The following WLS variants were observed in gnomAD, a reference collection of about 807,000 sequenced individuals.
The protein encoded by WLS is Wnt ligand secretion mediator.
A neutral mutation model predicts 62.8 loss-of-function variants in WLS; 23 were observed. That is an observed-to-expected ratio of 0.37 (90% CI 0.26 to 0.52). The LOEUF is 0.52. Among genes scored for constraint, WLS ranks in the 20% least tolerant of loss-of-function variants. WLS has a pLI of 0.92. For missense variants in WLS, 615 were observed against 697.3 expected, an observed-to-expected ratio of 0.88 and a Z score of 1.33; for synonymous variants, 246 against 244.1, an observed-to-expected ratio of 1.01 and a Z score of -0.07.
At chr1:68,122,483 C>A (rs903333069), downstream of WLS, among the ~76,000 whole-genome samples, 5 of 152,186 alleles carry the variant, frequency 3.3e-5, no homozygotes, top group Non-Finnish European at 7.3e-5. Context: ...ACTGGGATAA[C>A]CAACATAAAA....
chr1:68,162,078 G>A lies in WLS; in HGVS notation c.380-2831C>T, dbSNP rs1359756905. 7 of 1,575,208 alleles carry A rather than the reference G, an allele frequency of 4.4e-6. No homozygotes were observed. The African/African-American group carries it at 5.4e-5, about 12-fold the overall frequency. On this transcript the variant is annotated intron_variant, in intron 2 of 11. Transcript: ENST00000262348. ...CTGTGATGGCTCGGCGGATCTCAGT[G>A]GCAGCTGCCTCCCTCATCTCCAGTG... is the stretch of plus-strand genomic sequence containing the variant.
intron 1 of WLS, chr1:68,202,565 A>G (rs1228689491): frequency 1.3e-5 from 2 of 152,192 alleles, no homozygotes; most frequent in Admixed American, 1.3e-4. Context: ...ATATGAAGTG[A>G]ACACAAAAGA....
At chr1:68,228,842 C>CAAAAAAAAAAAAAAAAA (rs66626696) in intron 1 of WLS, among the ~76,000 whole-genome samples, 2 of 58,022 alleles carry the variant, frequency 3.4e-5, no homozygotes, top group Non-Finnish European at 2.8e-5. Context: ...ACACTGGTGC[C>CAAAAAAAAAAAAAAAAA]AAAAAAAAAA....
intron 2 of WLS, among the ~76,000 whole-genome samples, chr1:68,193,643 C>T (rs72670448): frequency 6.6e-6 from 1 of 152,116 alleles, no homozygotes; most frequent in Non-Finnish European, 1.5e-5. Flanking sequence ...GGTGGTGAAG[C>T]TTGGTGGTTA....
intron 9 of WLS, 46 bp from the exon 10 acceptor site, chr1:68,144,698 C>G (rs1224600056): frequency 1.4e-6 from 2 of 1,452,258 alleles, no homozygotes; most frequent in Non-Finnish European, 1.9e-6. Context: ...AGCTACCAAT[C>G]CTTTTCTCAC....
At chr1:68,165,129 A>G (rs1393761999) in intron 2 of WLS, among the ~76,000 whole-genome samples, 1 of 152,164 alleles carries the variant, frequency 6.6e-6, no homozygotes, top group African/African-American at 2.4e-5. Context: ...GTGCTTGGAG[A>G]AACACAAGAG....
rs540679419 is a variant in WLS at position 68,205,110 on chromosome 1, C to T, written c.107-10883G>A. On this transcript the variant is annotated intron_variant, in intron 1 of 11. Coordinates refer to ENST00000262348, the MANE Select transcript of WLS (RefSeq NM_024911.7). The stretch of plus-strand genomic sequence containing the variant: ...TGCCATAGTGGATTAATCCTTGTCC[C>T]GCCTGTATCAAAGTACACTTAGACT... 3.9e-5 allele frequency among the ~76,000 whole-genome samples: 6 copies of T among 152,216 alleles called. No homozygotes were observed. The South Asian group carries it at 1.0e-3, about 26-fold the overall frequency.
chr1:68,154,657 G>A (rs1442299944), intron 4 of WLS, among the ~76,000 whole-genome samples: 3 of 152,114 alleles, frequency 2.0e-5, no homozygotes, highest in Admixed American at 6.6e-5. Flanking sequence ...CAATTCTTGT[G>A]GGACTTTGTT....
chr1:68,227,405 C>CAAAAAA, intron 1 of WLS, among the ~76,000 whole-genome samples: 1 of 112,858 alleles, frequency 8.9e-6, no homozygotes, highest in Non-Finnish European at 1.8e-5. Flanking sequence ...GACTCCGTCA[C>CAAAAAA]AAAAAAAAAA....
At chr1:68,099,604 C>T (rs567203639) in intron 11 of WLS, 2 of 152,156 alleles carry the variant, frequency 1.3e-5, no homozygotes, top group African/African-American at 2.4e-5. Context: ...TGCCCCTCCT[C>T]CCATATACTT....
intron 1 of WLS, among the ~76,000 whole-genome samples, chr1:68,205,781 A>G (rs546099357): frequency 6.6e-6 from 1 of 152,356 alleles, no homozygotes; most frequent in African/African-American, 2.4e-5. Context: ...TTCTGAGATC[A>G]AAACTACAAA....
chr1:68,150,224 CAGA>C lies in WLS; in HGVS notation c.933_935del (p.Leu312del). On this transcript the variant is annotated inframe_deletion, in exon 6 of 12. Transcript: ENST00000262348. ...CGCCACAGAAGATGATCCAGAAGGA[CAGA>C]AGCATCGCATAGAAGATGCCCTGTC... is the stretch of plus-strand genomic sequence containing the variant. 1 of 1,614,184 alleles carries C rather than the reference CAGA, an allele frequency of 6.2e-7. No homozygotes were observed.
intron 2 of WLS, among the ~76,000 whole-genome samples, chr1:68,183,339 A>C (rs1314204217): frequency 6.6e-6 from 1 of 152,132 alleles, no homozygotes; most frequent in Admixed American, 6.5e-5. Flanking sequence ...AGTTGCTTCA[A>C]CATATTTTAT....
chr1:68,162,860 C>A, intron 2 of WLS: 1 of 1,449,628 alleles, frequency 6.9e-7, no homozygotes, highest in Non-Finnish European at 9.7e-7. Context: ...ATCATGGTAC[C>A]CATGGCTTCG....
chr1:68,186,991 C>G (rs1647987170), intron 2 of WLS, among the ~76,000 whole-genome samples: 1 of 151,658 alleles, frequency 6.6e-6, no homozygotes, highest in African/African-American at 2.4e-5. Flanking sequence ...GCGGGCGGAT[C>G]ACAAGGTCAG....
At chr1:68,118,765 A>G (rs1835460) in intron 11 of WLS, among the ~76,000 whole-genome samples, 40,738 of 150,904 alleles carry the variant, frequency 0.27, 6,125 homozygotes, top group Middle Eastern at 0.43. Flanking sequence ...ATCCCAGGCT[A>G]CTCAGGAGGC....
chr1:68,103,326 G>T (rs269348), intron 11 of WLS, among the ~76,000 whole-genome samples: 4,246 of 152,312 alleles, frequency 0.028, 215 homozygotes, highest in African/African-American at 0.098. Context: ...TGACTGGGAA[G>T]CAGGTGAGTG....
chr1:68,231,815 G>A (rs931384023), intron 1 of WLS: 21 of 487,622 alleles, frequency 4.3e-5, no homozygotes, highest in Admixed American at 4.1e-4. Flanking sequence ...GGAGCTGATT[G>A]GAAGGGAACC....
intron 4 of WLS, 81 bp from the exon 5 acceptor site, chr1:68,153,734 G>A (rs1209254558): frequency 1.3e-6 from 2 of 1,582,178 alleles, no homozygotes; most frequent in East Asian, 2.2e-5. Flanking sequence ...TTGTGGGAGA[G>A]GTAAGTGGAG....
Sources: allele counts gnomAD v4.1 joint callset (sites outside exome capture counted in the v4.1 genomes callset), GRCh38; gene constraint gnomAD v4.1.1; transcripts MANE v1.5; gene names NCBI Gene and HGNC (gene_info 2026-07-23, HGNC 2026-07-21).